Variants in FGFR2 observed in about 807,000 individuals in gnomAD.
FGFR2 encodes BEK fibroblast growth factor receptor.
Under a neutral mutation model 95.9 loss-of-function variants are expected in FGFR2, and 19 were observed. That is an observed-to-expected ratio of 0.20 (90% CI 0.14 to 0.29). The LOEUF (loss-of-function observed/expected upper bound fraction) is 0.29. Ranked by LOEUF, FGFR2 falls within the 10% of genes least tolerant of loss-of-function variation. The pLI is 1.00. For synonymous variants in FGFR2, 392 were observed against 393.3 expected (o/e 1.00, Z 0.04); for missense variants, 707 against 1,056.9 (o/e 0.67, Z 4.59).
chr10:121,525,987 T>C (rs1392078125), intron 6 of FGFR2, among the ~76,000 whole-genome samples: 2 of 152,146 alleles, frequency 1.3e-5, no homozygotes, highest in Non-Finnish European at 1.5e-5. Flanking sequence ...AAGAGCCATT[T>C]CAAAGCCACC....
chr10:121,500,534 CATA>C (rs1231369110), intron 11 of FGFR2, among the ~76,000 whole-genome samples: 7 of 152,164 alleles, frequency 4.6e-5, no homozygotes, highest in Non-Finnish European at 1.0e-4. Context: ...TTTCTAAGCA[CATA>C]AAAATACAGA....
At chr10:121,525,775 C>T (rs1482483857) in intron 6 of FGFR2, among the ~76,000 whole-genome samples, 1 of 152,200 alleles carries the variant, frequency 6.6e-6, no homozygotes, top group African/African-American at 2.4e-5. Flanking sequence ...TTTGCTCTGA[C>T]ATAGCAAAGG....
At chr10:121,567,869 C>T (rs1030717017) in intron 2 of FGFR2, among the ~76,000 whole-genome samples, 2 of 152,254 alleles carry the variant, frequency 1.3e-5, no homozygotes, top group African/African-American at 2.4e-5. Flanking sequence ...ACAATATTTG[C>T]AGTCTTGCCT....
At chr10:121,589,011 C>T (rs1862235318) in intron 2 of FGFR2, among the ~76,000 whole-genome samples, 1 of 152,192 alleles carries the variant, frequency 6.6e-6, no homozygotes, top group Non-Finnish European at 1.5e-5. Context: ...ATAAAACCTA[C>T]TGGATCAGAA....
At chr10:121,595,982 T>G (rs1262111541) in intron 1 of FGFR2, among the ~76,000 whole-genome samples, 1 of 152,160 alleles carries the variant, frequency 6.6e-6, no homozygotes, top group Non-Finnish European at 1.5e-5. Context: ...CTCACACCAG[T>G]GGACAAAAGT....
At chr10:121,505,515 G>A (rs1478095962) in intron 9 of FGFR2, among the ~76,000 whole-genome samples, 1 of 152,284 alleles carries the variant, frequency 6.6e-6, no homozygotes, top group East Asian at 1.9e-4. Context: ...ATCATTAATT[G>A]TGGAGCTGAG....
intron 6 of FGFR2, among the ~76,000 whole-genome samples, chr10:121,534,919 G>A (rs1193053311): frequency 1.3e-5 from 2 of 152,174 alleles, no homozygotes; most frequent in Non-Finnish European, 2.9e-5. Context: ...GTACGTCCAC[G>A]TCCTAAGCCT....
chr10:121,565,087 A>G (rs535409261), intron 3 of FGFR2, among the ~76,000 whole-genome samples: 2 of 151,800 alleles, frequency 1.3e-5, no homozygotes, highest in South Asian at 2.1e-4. Flanking sequence ...GAAATCATGG[A>G]GAGAAACTCA....
intron 2 of FGFR2, among the ~76,000 whole-genome samples, chr10:121,586,834 C>A (rs1011802790): frequency 1.3e-5 from 2 of 152,196 alleles, no homozygotes; most frequent in Non-Finnish European, 2.9e-5. Context: ...TTGTCTATTA[C>A]AGAAGGAGAC....
At chr10:121,482,185 G>A in intron 17 of FGFR2, 1 of 1,610,942 alleles carries the variant, frequency 6.2e-7, no homozygotes. Context: ...GATCTGATAG[G>A]AAAAAAACAG....
In FGFR2 at chr10:121,517,946, G is replaced by C. The variant is rs963912008; in HGVS notation, c.940-483C>G. 6.8e-5 allele frequency: 26 copies of C among 384,772 alleles called. No homozygotes were observed. In the Admixed American group the frequency reaches 9.1e-4, roughly 14 times the overall value. The allele number at this position is 384,772 out of a possible 1,614,324, so 23.8% of individuals were successfully genotyped here. On this transcript the variant is annotated intron_variant, in intron 7 of 17. Transcript: ENST00000358487. This position sits in a 1 kb window ranked among gnomAD's most constrained non-coding sequence, Gnocchi z 4.7. ...CCTGGCCCTGTGGGAACCAATTGGGGTGGAAGGTTGTCTTGGTTACCAGGC... is the reference window on the plus strand; with the variant it reads ...CCTGGCCCTGTGGGAACCAATTGGGCTGGAAGGTTGTCTTGGTTACCAGGC...
chr10:121,505,219 C>G (rs1368834626), intron 9 of FGFR2, among the ~76,000 whole-genome samples: 1 of 152,178 alleles, frequency 6.6e-6, no homozygotes, highest in Non-Finnish European at 1.5e-5. Flanking sequence ...TTTGTAAACC[C>G]AGACTTCCCT....
intron 4 of FGFR2, among the ~76,000 whole-genome samples, chr10:121,554,458 CCT>C (rs1855837249): frequency 6.6e-6 from 1 of 151,588 alleles, no homozygotes; most frequent in Non-Finnish European, 1.5e-5. Flanking sequence ...CCTGCCTCAG[CCT>C]CCCGAGTAGC....
intron 6 of FGFR2, among the ~76,000 whole-genome samples, chr10:121,525,871 C>A (rs533026392): frequency 6.6e-6 from 1 of 152,076 alleles, no homozygotes; most frequent in Admixed American, 6.5e-5. Context: ...GAGAACCAGG[C>A]TCTTAAATTA....
At chr10:121,511,240 A>G (rs1488986870) in intron 9 of FGFR2, among the ~76,000 whole-genome samples, 1 of 152,116 alleles carries the variant, frequency 6.6e-6, no homozygotes, top group Non-Finnish European at 1.5e-5. Context: ...AGAGGGTGTA[A>G]GCTGCACAGG....
chr10:121,543,260 A>G lies in FGFR2; in HGVS notation c.625-4545T>C, dbSNP rs41295749. Reference sequence around the variant, plus strand: ...TGCAGTGGCTCACGCCTGTAATCCCAGCACTTTGGGAGGCCGAGGCGGGCA... The same window carrying G: ...TGCAGTGGCTCACGCCTGTAATCCCGGCACTTTGGGAGGCCGAGGCGGGCA... On this transcript the variant is annotated intron_variant, in intron 5 of 17. Coordinates refer to ENST00000358487, the MANE Select transcript of FGFR2 (RefSeq NM_000141.5). 1.4e-3 allele frequency among the ~76,000 whole-genome samples: 207 copies of G among 152,336 alleles called. 1 individual carries two copies. In the South Asian group the frequency reaches 0.026, roughly 19 times the overall value.
Position 121,554,752 on chromosome 10 carries a change from A to C in FGFR2, c.455-3293T>G, listed in dbSNP as rs1725173153. ...ACCTTGAATCTGTAAGATCTAGAAA[A>C]ATAATAATACTATAAGATAGCCCTA... On this transcript the variant is annotated intron_variant, in intron 4 of 17. Transcript: ENST00000358487. Among the ~76,000 whole-genome samples, 6 of 152,192 alleles carry C rather than the reference A, an allele frequency of 3.9e-5. No homozygotes were observed. In the South Asian group the frequency reaches 1.2e-3, roughly 32 times the overall value.
At chr10:121,494,951 C>T (rs960444630) in intron 13 of FGFR2, among the ~76,000 whole-genome samples, 13 of 152,160 alleles carry the variant, frequency 8.5e-5, no homozygotes, top group South Asian at 2.1e-4. Context: ...CCACCCTCCC[C>T]GACCCACAGG....
intron 5 of FGFR2, among the ~76,000 whole-genome samples, chr10:121,542,992 A>G (rs1853990616): frequency 6.6e-6 from 1 of 152,240 alleles, no homozygotes; most frequent in Non-Finnish European, 1.5e-5. Flanking sequence ...CAGGTGTTCG[A>G]TAACAAGCAG....
Sources: allele counts gnomAD v4.1 joint callset (sites outside exome capture counted in the v4.1 genomes callset), GRCh38; gene constraint gnomAD v4.1.1; non-coding constraint Gnocchi (gnomAD v3.1); transcripts MANE v1.5; gene names NCBI Gene and HGNC (gene_info 2026-07-23, HGNC 2026-07-21).